Variants in ASTN2 observed in about 807,000 individuals in gnomAD.
The protein encoded by ASTN2 is astrotactin 2.
ASTN2 carries 54 observed loss-of-function variants against 139.8 expected under a neutral mutation model. The observed-to-expected ratio is 0.39, with a 90% CI of 0.31 to 0.48. The LOEUF (loss-of-function observed/expected upper bound fraction) is 0.48, where lower values mean the gene tolerates loss of function less well. Among genes scored for constraint, ASTN2 ranks in the 20% least tolerant of loss-of-function variants. The pLI is 0.95. For missense variants in ASTN2, 1,565 were observed against 1,725.1 expected (o/e 0.91, Z 1.64); for synonymous variants, 756 against 719.5 (o/e 1.05, Z -0.81).
intron 15 of ASTN2, 77 bp downstream of exon 15, chr9:116,728,915 C>G (rs1588244719): frequency 8.2e-7 from 1 of 1,219,544 alleles, no homozygotes; most frequent in Non-Finnish European, 1.2e-6. Context: ...TCTCATATGC[C>G]CTGGCACATG....
At chr9:116,686,305 C>T (rs1860205258) in intron 16 of ASTN2, among the ~76,000 whole-genome samples, 1 of 152,100 alleles carries the variant, frequency 6.6e-6, no homozygotes, top group Non-Finnish European at 1.5e-5. Context: ...CTCATTAGGT[C>T]CTTATGAGGA....
chr9:116,756,770 A>AACACACACAC (rs111716372), intron 13 of ASTN2, among the ~76,000 whole-genome samples: 3,358 of 148,094 alleles, frequency 0.023, 57 homozygotes, highest in Middle Eastern at 0.062. Context: ...CTCCGAATAA[A>AACACACACAC]ACACACACAC....
At chr9:117,396,379 C>T (rs1362091532) in intron 1 of ASTN2, among the ~76,000 whole-genome samples, 2 of 152,196 alleles carry the variant, frequency 1.3e-5, no homozygotes, top group African/African-American at 4.8e-5. Flanking sequence ...AAAGTGCTGC[C>T]TCTCCAGCAC....
intron 2 of ASTN2, among the ~76,000 whole-genome samples, chr9:117,232,778 G>A (rs557150752): frequency 6.6e-6 from 1 of 152,030 alleles, no homozygotes; most frequent in South Asian, 2.1e-4. Context: ...TTCTCCCTTT[G>A]TTGGGAGCAA....
At chr9:116,520,707 A>G (rs530762361) in intron 19 of ASTN2, among the ~76,000 whole-genome samples, 11 of 152,240 alleles carry the variant, frequency 7.2e-5, no homozygotes, top group Non-Finnish European at 1.3e-4. Context: ...GTGGAAGCCA[A>G]ACTCTCTCTG....
chr9:116,470,176 C>T (rs1176974366), intron 20 of ASTN2, among the ~76,000 whole-genome samples: 1 of 151,812 alleles, frequency 6.6e-6, no homozygotes, highest in East Asian at 1.9e-4. Flanking sequence ...TGCACTCCAG[C>T]CTGGGTGACA....
intron 1 of ASTN2, among the ~76,000 whole-genome samples, chr9:117,329,928 G>C (rs1298616461): frequency 6.6e-6 from 1 of 152,124 alleles, no homozygotes; most frequent in African/African-American, 2.4e-5. Context: ...TTCTCAAACT[G>C]CCCCATGAAA....
At chr9:116,630,025 T>C (rs1267172148) in intron 17 of ASTN2, among the ~76,000 whole-genome samples, 1 of 152,202 alleles carries the variant, frequency 6.6e-6, no homozygotes, top group Non-Finnish European at 1.5e-5. Context: ...GAAGATGAAG[T>C]ACTATGTTTT....
intron 10 of ASTN2, among the ~76,000 whole-genome samples, chr9:116,949,840 G>A (rs1163241031): frequency 3.3e-5 from 5 of 152,138 alleles, no homozygotes; most frequent in Non-Finnish European, 7.3e-5. Context: ...AAGGCTACGT[G>A]ACTTTAAGTG....
At chr9:116,485,027 C>T (rs901455069) in intron 20 of ASTN2, among the ~76,000 whole-genome samples, 16 of 152,254 alleles carry the variant, frequency 1.1e-4, no homozygotes, top group Non-Finnish European at 1.8e-4. Context: ...AGGAATCACC[C>T]GACAGGATTC....
chr9:117,113,808 CAAATCTAAT>C (rs1372924161), intron 4 of ASTN2, among the ~76,000 whole-genome samples: 1 of 151,988 alleles, frequency 6.6e-6, no homozygotes, highest in African/African-American at 2.4e-5. Context: ...CCAGAAAAGA[CAAATCTAAT>C]CTATAGTAAC....
intron 19 of ASTN2, among the ~76,000 whole-genome samples, chr9:116,491,592 A>G (rs2119101533): frequency 6.6e-6 from 1 of 152,366 alleles, no homozygotes; most frequent in East Asian, 1.9e-4. Flanking sequence ...GAACAAACCT[A>G]TAAAGTAAAC....
chr9:117,138,346 A>G (rs1829999443), intron 4 of ASTN2, among the ~76,000 whole-genome samples: 1 of 152,102 alleles, frequency 6.6e-6, no homozygotes. Flanking sequence ...CAGCTGGGGG[A>G]AAGAAAGAGG....
chr9:117,048,351 C>G (rs937475185), intron 5 of ASTN2, among the ~76,000 whole-genome samples: 1 of 152,156 alleles, frequency 6.6e-6, no homozygotes, highest in Non-Finnish European at 1.5e-5. Flanking sequence ...TGTCGCTCCT[C>G]CTTTCTCAGC....
intron 1 of ASTN2, among the ~76,000 whole-genome samples, chr9:117,346,061 T>C (rs528852283): frequency 4.7e-4 from 67 of 143,996 alleles, no homozygotes; most frequent in Non-Finnish European, 9.4e-4. Context: ...ATTTTCCAGA[T>C]GTTTTATTGT....
chr9:116,595,322 C>CTTG (rs1854519265), intron 19 of ASTN2, among the ~76,000 whole-genome samples: 1 of 96,796 alleles, frequency 1.0e-5, no homozygotes, highest in Non-Finnish European at 2.1e-5. Context: ...TTGCTTCATT[C>CTTG]TTGTTGTTGC....
intron 1 of ASTN2, among the ~76,000 whole-genome samples, chr9:117,318,910 A>G (rs1828231728): frequency 6.6e-6 from 1 of 152,198 alleles, no homozygotes; most frequent in African/African-American, 2.4e-5. Flanking sequence ...GTGCTGGTTC[A>G]GCCGCTCCTC....
At chr9:116,565,388 CATATATATATAT>C (rs1164878126) in intron 19 of ASTN2, among the ~76,000 whole-genome samples, 5 of 34,020 alleles carry the variant, frequency 1.5e-4, no homozygotes, top group Admixed American at 5.1e-4. Flanking sequence ...TCTCTCTCTC[CATATATATATAT>C]ATATATATAT....
intron 10 of ASTN2, among the ~76,000 whole-genome samples, chr9:116,905,852 G>GT (rs1164737372): frequency 0.013 from 633 of 47,186 alleles, 20 homozygotes; most frequent in African/African-American, 0.033. Flanking sequence ...AGTGATCCCT[G>GT]TTTTTTTTTT....
Sources: allele counts gnomAD v4.1 joint callset (sites outside exome capture counted in the v4.1 genomes callset), GRCh38; gene constraint gnomAD v4.1.1; transcripts MANE v1.5; gene names NCBI Gene and HGNC (gene_info 2026-07-23, HGNC 2026-07-21).